Variants in ERBB4 observed in about 807,000 individuals in gnomAD.
ERBB4 encodes the protein receptor tyrosine-protein kinase erbB-4.
Under a neutral mutation model 158.0 loss-of-function variants are expected in ERBB4, and 42 were observed. The ratio of observed to expected loss-of-function variants is 0.27; its 90% CI spans 0.21 to 0.34. The LOEUF (loss-of-function observed/expected upper bound fraction) is 0.34. Among genes scored for constraint, ERBB4 ranks in the 10% least tolerant of loss-of-function variants. The pLI is 1.00. For synonymous variants in ERBB4, 583 were observed against 558.7 expected, an observed-to-expected ratio of 1.04 and a Z score of -0.61; for missense variants, 1,333 against 1,624.1, an observed-to-expected ratio of 0.82 and a Z score of 3.08.
intron 1 of ERBB4, among the ~76,000 whole-genome samples, chr2:212,326,370 A>C (rs1485651167): frequency 6.6e-6 from 1 of 150,764 alleles, no homozygotes; most frequent in East Asian, 1.9e-4. Context: ...GTCTTCAAGC[A>C]AATACAAGAA....
At chr2:211,812,031 C>T (rs1327876635) in intron 3 of ERBB4, among the ~76,000 whole-genome samples, 1 of 152,220 alleles carries the variant, frequency 6.6e-6, no homozygotes, top group Non-Finnish European at 1.5e-5. Flanking sequence ...CTTCTGTCAG[C>T]TCGTCAAAGT....
rs867168488 is a variant in ERBB4 at position 212,170,437 on chromosome 2, A to C, written c.83-45534T>G. Among the ~76,000 whole-genome samples the C allele has an allele frequency of 4.6e-5, 7 of 152,208 alleles. No homozygotes were observed. In the South Asian group the frequency reaches 1.2e-3, roughly 27 times the overall value. The stretch of plus-strand genomic sequence containing the variant: ...GAAAAGAGAAACCCATTTTCTGGGG[A>C]GAAAGTCAATCCAGCTGCAGAAATT... On this transcript the variant is annotated intron_variant, in intron 1 of 27. Coordinates refer to ENST00000342788, the MANE Select transcript of ERBB4 (RefSeq NM_005235.3).
intron 13 of ERBB4, among the ~76,000 whole-genome samples, chr2:211,674,982 C>T (rs147038610): frequency 1.3e-5 from 2 of 152,218 alleles, no homozygotes; most frequent in East Asian, 3.9e-4. Context: ...TGGCCTATTG[C>T]CCTTTTCTTC....
chr2:211,780,863 C>G (rs2106300088), intron 4 of ERBB4, among the ~76,000 whole-genome samples: 1 of 152,150 alleles, frequency 6.6e-6, no homozygotes, highest in East Asian at 1.9e-4. Context: ...TCAATGTATC[C>G]TTTCCATGTC....
chr2:211,781,814 T>C (rs944888181), intron 4 of ERBB4, among the ~76,000 whole-genome samples: 3 of 152,066 alleles, frequency 2.0e-5, no homozygotes, highest in Non-Finnish European at 4.4e-5. Context: ...GAAAAACCTA[T>C]GTGTAATCTT....
chr2:211,781,587 T>C (rs2076039007), intron 4 of ERBB4, among the ~76,000 whole-genome samples: 2 of 152,320 alleles, frequency 1.3e-5, no homozygotes, highest in South Asian at 4.1e-4. Flanking sequence ...TGTAGAAACA[T>C]AGTTAAATGT....
rs917203698 is a variant in ERBB4, at chr2:211,700,774, T to C, written c.1489+1193A>G. 2.0e-5 allele frequency among the ~76,000 whole-genome samples: 3 copies of C among 152,116 alleles called. No individual in the cohort carries two copies. In the South Asian group the frequency reaches 6.2e-4, roughly 32 times the overall value. ...ACTCAATCATTATTTATGTGTACCC[T>C]GGAGAGATCAAAGAAGTAAGCAAAT... On this transcript the variant is annotated intron_variant, in intron 12 of 27. Coordinates refer to ENST00000342788, the MANE Select transcript of ERBB4 (RefSeq NM_005235.3).
intron 1 of ERBB4, among the ~76,000 whole-genome samples, chr2:212,349,284 T>A (rs1228073543): frequency 2.0e-5 from 2 of 99,368 alleles, no homozygotes; most frequent in Non-Finnish European, 4.5e-5. Context: ...TTCAACTTCT[T>A]AATCACACAC....
intron 18 of ERBB4, among the ~76,000 whole-genome samples, chr2:211,623,547 T>C (rs920768217): frequency 1.3e-5 from 2 of 152,168 alleles, no homozygotes; most frequent in Non-Finnish European, 2.9e-5. Context: ...TTATGGTATA[T>C]TGCCCAGGCA....
chr2:212,061,421 C>T (rs931644784), intron 2 of ERBB4, among the ~76,000 whole-genome samples: 4 of 134,740 alleles, frequency 3.0e-5, no homozygotes, highest in Non-Finnish European at 6.1e-5. Context: ...CCACTGCACT[C>T]CAGCCTGGGT....
chr2:212,387,343 G>GTTGAAGAAT (rs2090709935), intron 1 of ERBB4, among the ~76,000 whole-genome samples: 1 of 152,114 alleles, frequency 6.6e-6, no homozygotes, highest in Non-Finnish European at 1.5e-5. Context: ...ATACAGCAGC[G>GTTGAAGAAT]TTGAAGAATT....
chr2:212,151,536 T>G (rs891360047), intron 1 of ERBB4, among the ~76,000 whole-genome samples: 2 of 151,622 alleles, frequency 1.3e-5, no homozygotes, highest in African/African-American at 4.8e-5. Context: ...TAATTTTTAA[T>G]TATAAAAATA....
chr2:211,558,957 C>G lies in ERBB4; in HGVS notation c.2487+2946G>C, dbSNP rs568912010. Among the ~76,000 whole-genome samples, 30 of 152,160 alleles carry G rather than the reference C, an allele frequency of 2.0e-4. No homozygotes were observed. In the South Asian group the frequency reaches 5.0e-3, roughly 25 times the overall value. On this transcript the variant is annotated intron_variant, in intron 20 of 27. Transcript: ENST00000342788. ...TTCATCTTTCCATATATTTAAATAC[C>G]TATAATTCCTAAATGTATATATACA...
chr2:212,313,407 A>G (rs1366381217), intron 1 of ERBB4, among the ~76,000 whole-genome samples: 1 of 150,936 alleles, frequency 6.6e-6, no homozygotes, highest in Non-Finnish European at 1.5e-5. Context: ...TGATTTTCAT[A>G]TATTTTATAT....
chr2:211,920,951 A>G (rs377640700), intron 3 of ERBB4, among the ~76,000 whole-genome samples: 8 of 151,678 alleles, frequency 5.3e-5, no homozygotes, highest in African/African-American at 1.9e-4. Flanking sequence ...GGAATGTTTT[A>G]TATTTGACAC....
intron 12 of ERBB4, among the ~76,000 whole-genome samples, chr2:211,696,356 C>T (rs945483069): frequency 4.6e-5 from 7 of 152,052 alleles, no homozygotes; most frequent in African/African-American, 1.7e-4. Context: ...GGTGATCTGC[C>T]CACCTCGGCC....
intron 1 of ERBB4, among the ~76,000 whole-genome samples, chr2:212,351,343 A>G (rs564030257): frequency 2.0e-5 from 3 of 152,240 alleles, no homozygotes; most frequent in African/African-American, 7.2e-5. Flanking sequence ...CTCCAGAACT[A>G]TGGTAAAATA....
intron 1 of ERBB4, among the ~76,000 whole-genome samples, chr2:212,487,982 T>C (rs1253031396): frequency 6.6e-6 from 1 of 152,154 alleles, no homozygotes; most frequent in Non-Finnish European, 1.5e-5. Flanking sequence ...ACACGTGCTC[T>C]CTTCTCAGCC....
At chr2:212,383,656 G>C (rs1207723139) in intron 1 of ERBB4, among the ~76,000 whole-genome samples, 1 of 151,596 alleles carries the variant, frequency 6.6e-6, no homozygotes, top group African/African-American at 2.4e-5. Context: ...TAGCTTTCAG[G>C]AATTCAAGGA....
Sources: gnomAD v4.1 joint callset for allele counts (sites outside exome capture counted in the v4.1 genomes callset) on GRCh38, gnomAD v4.1.1 for gene constraint, MANE v1.5 for transcripts, NCBI Gene and HGNC (gene_info 2026-07-23, HGNC 2026-07-21) for gene names.